The following GKAP1 variants were observed in gnomAD, a reference collection of about 807,000 sequenced individuals.
The protein encoded by GKAP1 is G kinase anchoring protein 1.
Under a neutral mutation model 56.7 loss-of-function variants are expected in GKAP1, and 31 were observed. The observed-to-expected ratio is 0.55, with a 90% confidence interval of 0.41 to 0.74. The LOEUF (loss-of-function observed/expected upper bound fraction) is 0.74. Among genes scored for constraint, GKAP1 ranks in the 30% least tolerant of loss-of-function variants. The probability of loss-of-function intolerance (pLI) is 0.00; values close to 1 mark genes in which losing one functional copy is unlikely to be tolerated. For missense variants in GKAP1, 364 were observed against 402.3 expected (o/e 0.90, Z 0.82); for synonymous variants, 151 against 138.6 (o/e 1.09, Z -0.63).
intron 6 of GKAP1, among the ~76,000 whole-genome samples, chr9:83,781,847 T>TC (rs1943978271): frequency 3.3e-5 from 1 of 30,526 alleles, no homozygotes; most frequent in East Asian, 1.4e-3. Context: ...GTATTTCTTC[T>TC]TTTTTTTTTT....
At chr9:83,772,143 CATA>C (rs1242725493) in intron 7 of GKAP1, among the ~76,000 whole-genome samples, 7 of 151,858 alleles carry the variant, frequency 4.6e-5, no homozygotes, top group Admixed American at 3.9e-4. Flanking sequence ...AAATATTTAA[CATA>C]ATAAGTCTAG....
chr9:83,768,869 C>T lies in GKAP1; in HGVS notation c.687G>A (p.Gln229=), dbSNP rs1281815396. The T allele has an allele frequency of 6.2e-7, 1 of 1,612,568 alleles. No homozygotes were observed. The change falls in exon 8 of 13, where the codon CAG becomes CAA. Residue 229 remains glutamine (Q), a synonymous_variant. Transcript: ENST00000376371. The part of the protein sequence containing the change: ...KILIREKRRE[Q]LTEYNGTDNC... Reference sequence around the variant, plus strand: ...TATCTGTTCCATTATATTCTGTAAGCTGTTCTCTTCGTTTTTCTCTAATAA... The same window carrying T: ...TATCTGTTCCATTATATTCTGTAAGTTGTTCTCTTCGTTTTTCTCTAATAA...
At chr9:83,793,921 C>T (rs116419073) in intron 4 of GKAP1, among the ~76,000 whole-genome samples, 1,543 of 152,280 alleles carry the variant, frequency 0.01, 26 homozygotes, top group African/African-American at 0.035. Context: ...AATCCCAGCA[C>T]TTTGGGAAGC....
chr9:83,748,885 A>C (rs1484688389), intron 9 of GKAP1: 1 of 152,258 alleles, frequency 6.6e-6, no homozygotes, highest in Non-Finnish European at 1.5e-5. Context: ...TTAAATTTAA[A>C]ATGTGATAGA....
chr9:83,786,947 T>C (rs1235211842), intron 5 of GKAP1, among the ~76,000 whole-genome samples: 2 of 152,224 alleles, frequency 1.3e-5, no homozygotes, highest in African/African-American at 2.4e-5. Flanking sequence ...TAATATTCTA[T>C]TTGATAAATT....
chr9:83,814,612 G>A (rs114154956), intron 2 of GKAP1, among the ~76,000 whole-genome samples: 3,011 of 152,294 alleles, frequency 0.02, 44 homozygotes, highest in Middle Eastern at 0.048. Context: ...CACAGGATCT[G>A]GCACATAGAA....
chr9:83,793,027 A>C (rs1001854060), intron 4 of GKAP1: 3 of 1,273,228 alleles, frequency 2.4e-6, no homozygotes, highest in African/African-American at 3.1e-5. Flanking sequence ...TCTAGTAGTA[A>C]AACATTTTTT....
At chr9:83,766,254 G>T (rs550706831) in intron 8 of GKAP1, among the ~76,000 whole-genome samples, 31 of 152,174 alleles carry the variant, frequency 2.0e-4, no homozygotes, top group African/African-American at 7.5e-4. Context: ...GTTTCCTGAG[G>T]CCTCCCCAGC....
intron 8 of GKAP1, among the ~76,000 whole-genome samples, chr9:83,766,462 T>A (rs533907638): frequency 6.6e-6 from 1 of 152,324 alleles, no homozygotes; most frequent in East Asian, 1.9e-4. Context: ...TAGGCAAGGA[T>A]TCCCCACTAC....
At chr9:83,755,965 T>G (rs553221018) in intron 8 of GKAP1, among the ~76,000 whole-genome samples, 4 of 152,044 alleles carry the variant, frequency 2.6e-5, no homozygotes, top group Middle Eastern at 3.4e-3. Context: ...CCACCACTGC[T>G]GGCTAATTTT....
chr9:83,796,525 C>G (rs956135212), intron 4 of GKAP1, among the ~76,000 whole-genome samples: 4 of 152,136 alleles, frequency 2.6e-5, no homozygotes, highest in African/African-American at 9.7e-5. Context: ...GGCTGGAGTG[C>G]AATGGCACAA....
intron 8 of GKAP1, among the ~76,000 whole-genome samples, chr9:83,755,963 G>C (rs1022605017): frequency 4.6e-5 from 7 of 151,856 alleles, no homozygotes; most frequent in Admixed American, 2.6e-4. Context: ...TGCCACCACT[G>C]CTGGCTAATT....
intron 8 of GKAP1, among the ~76,000 whole-genome samples, chr9:83,764,966 G>A (rs962604193): frequency 6.6e-6 from 1 of 152,212 alleles, no homozygotes; most frequent in African/African-American, 2.4e-5. Flanking sequence ...CCACACAAGT[G>A]AGAAGCAGCC....
At chr9:83,765,217 C>T (rs1357658430) in intron 8 of GKAP1, among the ~76,000 whole-genome samples, 1 of 152,180 alleles carries the variant, frequency 6.6e-6, no homozygotes, top group African/African-American at 2.4e-5. Context: ...GGGTGCAAGC[C>T]CCAAGCCTTG....
At chr9:83,745,684 T>A (rs1943281340) in intron 10 of GKAP1, among the ~76,000 whole-genome samples, 2 of 152,212 alleles carry the variant, frequency 1.3e-5, no homozygotes, top group Admixed American at 1.3e-4. Flanking sequence ...TAATTTTTTA[T>A]TTTCATAACT....
chr9:83,750,935 G>A (rs889570727), intron 9 of GKAP1, among the ~76,000 whole-genome samples: 2 of 151,950 alleles, frequency 1.3e-5, no homozygotes, highest in East Asian at 1.9e-4. Flanking sequence ...TTCCAGGTTC[G>A]AGCGATTCTC....
At position 83,813,335 on chromosome 9, in the gene GKAP1, G is replaced by C. The variant is rs561292811; in HGVS notation, c.-44+3661C>G. ...CTTAAATTAGTCTATGAATATGGTG[G>C]CTAATACTGTATATTAAACATTTAC... On this transcript the variant is annotated intron_variant, in intron 2 of 12. Transcript: ENST00000376371. 3.3e-5 allele frequency among the ~76,000 whole-genome samples: 5 copies of C among 152,316 alleles called. No individual in the cohort carries two copies. The East Asian group carries it at 9.6e-4, about 29-fold the overall frequency.
intron 9 of GKAP1, among the ~76,000 whole-genome samples, chr9:83,752,238 C>T (rs766704761): frequency 6.6e-6 from 1 of 152,080 alleles, no homozygotes; most frequent in Non-Finnish European, 1.5e-5. Context: ...CCCGTCTCTA[C>T]TAAAAATGCA....
intron 8 of GKAP1, among the ~76,000 whole-genome samples, chr9:83,754,105 T>C (rs143271230): frequency 1.3e-5 from 2 of 152,232 alleles, no homozygotes; most frequent in African/African-American, 4.8e-5. Context: ...GGAACCTAGG[T>C]TGACAGAACA....
Sources: allele counts gnomAD v4.1 joint callset (sites outside exome capture counted in the v4.1 genomes callset), GRCh38; gene constraint gnomAD v4.1.1; transcripts MANE v1.5; gene names NCBI Gene and HGNC (gene_info 2026-07-23, HGNC 2026-07-21).